PLEKHA1: variants seen among roughly 807,000 people sequenced by gnomAD.
PLEKHA1 encodes the protein pleckstrin homology domain-containing family A member 1.
A neutral mutation model predicts 52.0 loss-of-function variants in PLEKHA1; 34 were observed. The ratio of observed to expected loss-of-function variants is 0.65; its 90% CI spans 0.50 to 0.87. PLEKHA1 has a LOEUF of 0.87. PLEKHA1 is among the 40% of genes least tolerant of loss of function. The probability of loss-of-function intolerance (pLI) is 0.00; values close to 1 mark genes in which losing one functional copy is unlikely to be tolerated. For synonymous variants in PLEKHA1, 163 were observed against 170.7 expected, an observed-to-expected ratio of 0.95 and a Z score of 0.35; for missense variants, 497 against 504.2, an observed-to-expected ratio of 0.99 and a Z score of 0.14.
Position 122,393,131 on chromosome 10 carries a change from A to G in PLEKHA1, c.-20-50A>G. 1 of 1,455,354 alleles carries G rather than the reference A, an allele frequency of 6.9e-7. No homozygotes were observed. The highest frequency in any genetic ancestry group is 9.2e-7 in the Non-Finnish European group (1 of 1,086,962). 90.2% of individuals were successfully genotyped at this position (1,455,354 alleles called of 1,614,324 possible). A position where few individuals can be genotyped will look rare whatever the true frequency, so the allele number is the denominator to read the frequency against. On this transcript the variant is annotated intron_variant, in intron 1 of 11. Coordinates refer to ENST00000368990, the MANE Select transcript of PLEKHA1 (RefSeq NM_001001974.4). The surrounding 1 kb of genome is among the most constrained non-coding windows in gnomAD (Gnocchi z 4.5). ...TGAACAGATTTGCAGTCCATGAGAA[A>G]TACTTTCCTGTTTCATAGGGAGCTT... is the stretch of plus-strand genomic sequence containing the variant.
chr10:122,389,990 A>G (rs947854511), intron 1 of PLEKHA1, among the ~76,000 whole-genome samples: 1 of 152,208 alleles, frequency 6.6e-6, no homozygotes, highest in Admixed American at 6.5e-5. Context: ...AGACTTTCAC[A>G]TACATTCAAA....
At chr10:122,381,592 TC>T (rs2096615839) in intron 1 of PLEKHA1, among the ~76,000 whole-genome samples, 1 of 152,158 alleles carries the variant, frequency 6.6e-6, no homozygotes, top group South Asian at 2.1e-4. Context: ...TCTTGAGGCG[TC>T]CCCAGTCATG....
intron 2 of PLEKHA1, among the ~76,000 whole-genome samples, chr10:122,394,893 T>C (rs1317526330): frequency 6.6e-6 from 1 of 152,222 alleles, no homozygotes; most frequent in African/African-American, 2.4e-5. Flanking sequence ...CATTCTTCCT[T>C]TATCAGTACT....
intron 1 of PLEKHA1, among the ~76,000 whole-genome samples, chr10:122,385,478 G>A (rs982909862): frequency 6.6e-6 from 1 of 151,884 alleles, no homozygotes; most frequent in African/African-American, 2.4e-5. Context: ...CACCATGCCC[G>A]GCTAATTTTG....
intron 1 of PLEKHA1, chr10:122,388,083 TCA>T (rs1343135544): frequency 6.6e-6 from 1 of 152,186 alleles, no homozygotes. Context: ...TTTCATACTT[TCA>T]CAGTGTCAGT....
chr10:122,386,698 C>G (rs1447475142), intron 1 of PLEKHA1: 3 of 152,138 alleles, frequency 2.0e-5, no homozygotes, highest in Non-Finnish European at 2.9e-5. Flanking sequence ...AAAGACTGTC[C>G]TTTCTCTACA....
At chr10:122,424,851 C>CA in intron 9 of PLEKHA1, 45 bp from the exon 10 acceptor site, 1 of 1,512,800 alleles carries the variant, frequency 6.6e-7, no homozygotes, top group Non-Finnish European at 9.1e-7. Context: ...AAGAGAAACT[C>CA]AAACAACTGC....
At chr10:122,434,173 T>G (rs1269238934), downstream of PLEKHA1, 5 of 152,240 alleles carry the variant, frequency 3.3e-5, no homozygotes, top group African/African-American at 7.2e-5. Flanking sequence ...ACTGCTGCTA[T>G]GGTCTTGTTG....
chr10:122,406,565 T>G lies in PLEKHA1; in HGVS notation c.245-11T>G, dbSNP rs770873749. 3 of 1,596,700 alleles carry G rather than the reference T, an allele frequency of 1.9e-6. No individual in the cohort carries two copies. The highest frequency in any genetic ancestry group is 2.6e-6 in the Non-Finnish European group (3 of 1,165,228). ...TACAATATTTGGTGTGTTATTTTTT[T>G]CTGTCAACAGTTATGAATGCAGGAA... is the stretch of plus-strand genomic sequence containing the variant. On this transcript the variant is annotated splice_polypyrimidine_tract_variant and intron_variant, in intron 4 of 11. Coordinates refer to ENST00000368990, the MANE Select transcript of PLEKHA1 (RefSeq NM_001001974.4).
intron 7 of PLEKHA1, among the ~76,000 whole-genome samples, chr10:122,417,266 CTG>C (rs2097190177): frequency 6.6e-6 from 1 of 151,654 alleles, no homozygotes. Flanking sequence ...ATAACATTTC[CTG>C]TGTTTGCTCT....
intron 6 of PLEKHA1, among the ~76,000 whole-genome samples, chr10:122,413,886 A>C (rs972215952): frequency 6.6e-6 from 1 of 152,136 alleles, no homozygotes; most frequent in Admixed American, 6.6e-5. Context: ...TTGACACTTT[A>C]TAAATCTTTT....
chr10:122,402,253 T>G (rs1417902418), intron 4 of PLEKHA1, among the ~76,000 whole-genome samples: 1 of 152,194 alleles, frequency 6.6e-6, no homozygotes, highest in African/African-American at 2.4e-5. Flanking sequence ...AAACTAAGAT[T>G]AGTCGTTCAT....
intron 5 of PLEKHA1, among the ~76,000 whole-genome samples, chr10:122,408,169 A>G (rs1252995525): frequency 6.6e-6 from 1 of 152,198 alleles, no homozygotes; most frequent in Non-Finnish European, 1.5e-5. Flanking sequence ...CTTTAGAAAG[A>G]TAATATCTCG....
intron 5 of PLEKHA1, among the ~76,000 whole-genome samples, chr10:122,407,874 A>G (rs916049430): frequency 1.3e-5 from 2 of 152,230 alleles, no homozygotes; most frequent in African/African-American, 2.4e-5. Context: ...TCCATCTAAA[A>G]TGAATAATTT....
intron 1 of PLEKHA1, among the ~76,000 whole-genome samples, chr10:122,378,593 G>A (rs184195338): frequency 2.8e-4 from 43 of 151,974 alleles, no homozygotes; most frequent in Admixed American, 1.4e-3. Context: ...AAAATCAGCC[G>A]GGCGTGGTGG....
chr10:122,428,358 C>T, intron 11 of PLEKHA1: 1 of 1,544,514 alleles, frequency 6.5e-7, no homozygotes, highest in East Asian at 2.5e-5. Context: ...TATGTGGGCT[C>T]TCACGCAAAC....
chr10:122,379,784 G>A (rs1260549968), intron 1 of PLEKHA1, among the ~76,000 whole-genome samples: 3 of 152,330 alleles, frequency 2.0e-5, no homozygotes, highest in African/African-American at 4.8e-5. Context: ...ACAAATAATA[G>A]TGAAGTCTTG....
chr10:122,408,345 G>C (rs1038783979), intron 5 of PLEKHA1, among the ~76,000 whole-genome samples: 8 of 152,110 alleles, frequency 5.3e-5, no homozygotes, highest in African/African-American at 1.9e-4. Flanking sequence ...TTATACAAAT[G>C]ACACTGGTAA....
At position 122,374,797 on chromosome 10, in the gene PLEKHA1, C is replaced by A. The variant is rs969967589; in HGVS notation, c.-30C>A. ...CCGCGGCGGCGCGGGTGCTCCGGGC[C>A]GAGGCCGCGGTAAAGTTTAGCTTGA... On this transcript the variant is annotated 5_prime_UTR_variant, in exon 1 of 12. Transcript: ENST00000368990. The A allele has an allele frequency of 6.6e-6, 1 of 151,966 alleles. No homozygotes were observed. Among genetic ancestry groups the A allele is most frequent in the Non-Finnish European group, 1.5e-5 (1 of 67,920 alleles). 9.4% of individuals were successfully genotyped at this position (151,966 alleles called of 1,614,324 possible). A position where few individuals can be genotyped will look rare whatever the true frequency, so the allele number is the denominator to read the frequency against.
Sources: gnomAD v4.1 joint callset for allele counts (sites outside exome capture counted in the v4.1 genomes callset) on GRCh38, gnomAD v4.1.1 for gene constraint, Gnocchi (gnomAD v3.1) non-coding constraint, MANE v1.5 for transcripts, NCBI Gene and HGNC (gene_info 2026-07-23, HGNC 2026-07-21) for gene names.